Variants in NUP98 observed in about 807,000 individuals in gnomAD.
The protein encoded by NUP98 is nuclear pore complex protein Nup98-Nup96.
In NUP98, 26 loss-of-function variants were observed where a neutral mutation model predicts 191.9. The observed-to-expected ratio is 0.14, with a 90% CI of 0.10 to 0.19. The LOEUF is 0.19. Ranked by LOEUF, NUP98 falls within the 10% of genes least tolerant of loss-of-function variation. The pLI, the probability that NUP98 is intolerant of heterozygous loss-of-function variation, is 1.00. For missense variants in NUP98, 1,941 were observed against 2,178.8 expected (o/e 0.89, Z 2.17); for synonymous variants, 808 against 778.4 (o/e 1.04, Z -0.63).
chr11:3,797,442 G>A lies in NUP98; in HGVS notation c.-71C>T, dbSNP rs1216716292. On this transcript the variant is annotated 5_prime_UTR_variant, in exon 1 of 33. Coordinates refer to ENST00000324932, the MANE Select transcript of NUP98 (RefSeq NM_016320.5). ...GGGGAAGTGTCAGGAGTCCCCTGCT[G>A]CCACCCGCCGCTCACAGAGCAGCGC... 1 of 414,122 alleles carries A rather than the reference G, an allele frequency of 2.4e-6. No homozygotes were observed. The highest frequency in any genetic ancestry group is 2.1e-5 in the African/African-American group (1 of 48,674). 25.7% of individuals were successfully genotyped at this position (414,122 alleles called of 1,614,324 possible). A position where few individuals can be genotyped will look rare whatever the true frequency, so the allele number is the denominator to read the frequency against.
chr11:3,679,644 C>T lies in NUP98; in HGVS notation c.4983G>A (p.Glu1661=), dbSNP rs1308326689. The part of the protein sequence containing the change: ...KGFLEDLAPP[E]RSSLIQDWET... ...CCCAATCCTGAATTAGGCTGCTGCGCTCTGGAGGTGCCAGGTCTTCCAAGA... is the reference window on the plus strand; with the variant it reads ...CCCAATCCTGAATTAGGCTGCTGCGTTCTGGAGGTGCCAGGTCTTCCAAGA... The change falls in exon 31 of 33, where the codon GAG becomes GAA. Residue 1661 remains glutamate (E), a synonymous_variant. Coordinates refer to ENST00000324932, the MANE Select transcript of NUP98 (RefSeq NM_016320.5). 4.3e-6 allele frequency: 7 copies of T among 1,614,078 alleles called. No individual in the cohort carries two copies. In the East Asian group the frequency reaches 8.9e-5, roughly 21 times the overall value.
At chr11:3,684,871 A>G (rs1166154229) in intron 29 of NUP98, among the ~76,000 whole-genome samples, 1 of 149,346 alleles carries the variant, frequency 6.7e-6, no homozygotes, top group Non-Finnish European at 1.5e-5. Flanking sequence ...GGTCAAAGTG[A>G]GTACGTGGTA....
intron 28 of NUP98, 129 bp downstream of exon 28, chr11:3,691,218 A>T: frequency 2.2e-6 from 2 of 910,296 alleles, no homozygotes; most frequent in Non-Finnish European, 3.3e-6. Flanking sequence ...CAACTACTTT[A>T]AGTTATATTT....
chr11:3,711,978 T>C, intron 20 of NUP98: 1 of 1,045,980 alleles, frequency 9.6e-7, no homozygotes, highest in Non-Finnish European at 1.2e-6. Flanking sequence ...GTATCAATGA[T>C]ACAAGTAATT....
At chr11:3,678,137 A>T (rs1269213734) in intron 31 of NUP98, among the ~76,000 whole-genome samples, 3 of 120,024 alleles carry the variant, frequency 2.5e-5, no homozygotes, top group East Asian at 2.1e-4. Context: ...AACTCTGCCT[A>T]AAAAAAAAAA....
At chr11:3,708,236 C>CAA (rs1476211366) in intron 20 of NUP98, among the ~76,000 whole-genome samples, 3 of 152,106 alleles carry the variant, frequency 2.0e-5, no homozygotes, top group Non-Finnish European at 4.4e-5. Flanking sequence ...CAGTGCTTGA[C>CAA]ACATGGTAGA....
Position 3,713,993 on chromosome 11 carries a change from T to C in NUP98, c.2402A>G (p.Lys801Arg). ...KPPVGEGLNR[K>R]AEVTLDGVWP... ...AACTCCATCCAATGTAACTTCAGCCTTCCTGTAAAACATAACCAATTAAAG... is the reference window on the plus strand; with the variant it reads ...AACTCCATCCAATGTAACTTCAGCCCTCCTGTAAAACATAACCAATTAAAG... Residue 801 changes from lysine to arginine, a missense_variant and splice_region_variant, in exon 19 of 33, where the codon AAG (lysine) becomes AGG (arginine). Lys to Arg is a conservative substitution (Grantham distance 26). Transcript: ENST00000324932. The C allele has an allele frequency of 6.2e-7, 1 of 1,613,918 alleles. No individual in the cohort carries two copies. The highest frequency in any genetic ancestry group is 8.5e-7 in the Non-Finnish European group (1 of 1,179,952).
chr11:3,796,680 TAGA>T (rs970964654), intron 1 of NUP98, among the ~76,000 whole-genome samples: 1 of 152,202 alleles, frequency 6.6e-6, no homozygotes, highest in African/African-American at 2.4e-5. Context: ...GGTGAGGTAG[TAGA>T]AAACTGTTTA....
intron 12 of NUP98, 130 bp downstream of exon 12, chr11:3,744,379 T>C (rs1031338034): frequency 4.5e-6 from 4 of 887,902 alleles, no homozygotes; most frequent in Non-Finnish European, 6.6e-6. Flanking sequence ...CCTTCTTTAC[T>C]ACCCAATTGT....
intron 1 of NUP98, among the ~76,000 whole-genome samples, chr11:3,789,112 G>A (rs1426138188): frequency 2.0e-5 from 3 of 152,158 alleles, no homozygotes; most frequent in Non-Finnish European, 4.4e-5. Context: ...CTGAACAATA[G>A]GGATTGTACA....
intron 20 of NUP98, chr11:3,711,752 A>G (rs951022855): frequency 4.9e-6 from 3 of 610,800 alleles, no homozygotes; most frequent in Admixed American, 5.9e-5. Context: ...CATAAAAGTC[A>G]ATATATTTCC....
At chr11:3,707,890 C>G (rs780814734) in intron 20 of NUP98, among the ~76,000 whole-genome samples, 5 of 152,066 alleles carry the variant, frequency 3.3e-5, no homozygotes, top group African/African-American at 1.2e-4. Context: ...CACCTGAGGT[C>G]AGGAGTTCGA....
chr11:3,758,803 CAG>C (rs2081066170), intron 10 of NUP98, among the ~76,000 whole-genome samples: 1 of 151,854 alleles, frequency 6.6e-6, no homozygotes, highest in Admixed American at 6.6e-5. Flanking sequence ...GAGACAGAGA[CAG>C]AGACAGAGAG....
At chr11:3,715,236 T>A (rs1457600064) in intron 18 of NUP98, among the ~76,000 whole-genome samples, 1 of 152,178 alleles carries the variant, frequency 6.6e-6, no homozygotes, top group Non-Finnish European at 1.5e-5. Flanking sequence ...ACCCTCTGCC[T>A]ACCGGGTTCA....
chr11:3,730,398 C>A (rs759625590), intron 14 of NUP98, among the ~76,000 whole-genome samples: 14 of 151,716 alleles, frequency 9.2e-5, no homozygotes, highest in Non-Finnish European at 2.1e-4. Context: ...ACTCTGTCAC[C>A]CAGGCTGGAG....
chr11:3,702,354 CTCTCTCTCTCTCTCTA>C (rs1452248442), intron 23 of NUP98, 93 bp downstream of exon 23: 14 of 595,228 alleles, frequency 2.4e-5, no homozygotes, highest in Middle Eastern at 3.9e-4. Context: ...CTCTCTCTCT[CTCTCTCTCTCTCTCTA>C]GAAAGATGAC....
At chr11:3,722,695 A>G (rs1159512574) in intron 16 of NUP98, among the ~76,000 whole-genome samples, 2 of 152,074 alleles carry the variant, frequency 1.3e-5, no homozygotes, top group African/African-American at 2.4e-5. Context: ...ATGTGCCTGT[A>G]GTGCCAGCTA....
chr11:3,771,680 G>T, intron 7 of NUP98, 68 bp downstream of exon 7: 1 of 1,387,046 alleles, frequency 7.2e-7, no homozygotes, highest in Non-Finnish European at 1.0e-6. Flanking sequence ...TCCCAAAATG[G>T]CAATTATGTT....
At chr11:3,683,094 G>A in intron 30 of NUP98, 106 bp downstream of exon 30, 3 of 1,480,820 alleles carry the variant, frequency 2.0e-6, no homozygotes, top group Non-Finnish European at 2.7e-6. Flanking sequence ...GATTCAAGAT[G>A]GCCATGTCCT....
Sources: allele counts gnomAD v4.1 joint callset (sites outside exome capture counted in the v4.1 genomes callset), GRCh38; gene constraint gnomAD v4.1.1; transcripts MANE v1.5; gene names NCBI Gene and HGNC (gene_info 2026-07-23, HGNC 2026-07-21).